Variants in ASB1 observed in about 807,000 individuals in gnomAD.
The protein encoded by ASB1 is ankyrin repeat and SOCS box protein 1.
A neutral mutation model predicts 27.7 loss-of-function variants in ASB1; 18 were observed. That is an observed-to-expected ratio of 0.65 (90% CI 0.45 to 0.96). The LOEUF (loss-of-function observed/expected upper bound fraction) is 0.96. Ranked by LOEUF, ASB1 falls within the 50% of genes least tolerant of loss-of-function variation. The pLI, the probability that ASB1 is intolerant of heterozygous loss-of-function variation, is 0.00. For missense variants in ASB1, 397 were observed against 451.7 expected, an observed-to-expected ratio of 0.88 and a Z score of 1.10; for synonymous variants, 189 against 187.6, an observed-to-expected ratio of 1.01 and a Z score of -0.06.
At chr2:238,446,322 T>C in intron 4 of ASB1, 62 bp from the exon 5 acceptor site, 1 of 1,516,678 alleles carries the variant, frequency 6.6e-7, no homozygotes, top group Middle Eastern at 1.9e-4. Context: ...CTGCCTTTTC[T>C]CTCTATAACT....
At position 238,444,341 on chromosome 2, in the gene ASB1, G is replaced by T; in HGVS notation, c.495-1G>T. 1 of 1,599,766 alleles carries T rather than the reference G, an allele frequency of 6.3e-7. No homozygotes were observed. Among genetic ancestry groups the T allele is most frequent in the Non-Finnish European group, 8.6e-7 (1 of 1,169,194 alleles). On this transcript the variant is annotated splice_acceptor_variant, in intron 3 of 4. Transcript: ENST00000264607. LOFTEE classifies it high-confidence loss of function. ...TCTGACTTTCCCTTTCTTCCCTGCA[G>T]GTACGGGGCTGATGTTGACGTCAAC...
At chr2:238,441,149 T>TG (rs1442077078) in intron 3 of ASB1, among the ~76,000 whole-genome samples, 1 of 151,936 alleles carries the variant, frequency 6.6e-6, no homozygotes, top group African/African-American at 2.4e-5. Context: ...TTTTTTTTTT[T>TG]TTTTTGAGAT....
At chr2:238,428,354 G>A (rs1016744018) in intron 1 of ASB1, among the ~76,000 whole-genome samples, 1 of 152,298 alleles carries the variant, frequency 6.6e-6, no homozygotes, top group Admixed American at 6.5e-5. Context: ...GCAGTGGCGT[G>A]ATCTCGGCCC....
chr2:238,438,307 C>T (rs1384014884), intron 3 of ASB1, among the ~76,000 whole-genome samples: 1 of 146,620 alleles, frequency 6.8e-6, no homozygotes, highest in African/African-American at 2.5e-5. Context: ...TCACACCATT[C>T]TCCTGCCTCA....
chr2:238,430,404 C>T (rs571291607), intron 1 of ASB1, among the ~76,000 whole-genome samples: 113 of 152,334 alleles, frequency 7.4e-4, no homozygotes, highest in African/African-American at 2.5e-3. Context: ...TTTGATCATG[C>T]GATTGCAGCA....
Position 238,448,015 on chromosome 2 carries a change from A to G in ASB1, c.*1504A>G, listed in dbSNP as rs577279111. 1,080 of 152,446 alleles carry G rather than the reference A, an allele frequency of 7.1e-3. 7 individuals carry two copies. The highest frequency in any genetic ancestry group is 0.015 in the South Asian group (73 of 4,826). 9.4% of individuals were successfully genotyped at this position (152,446 alleles called of 1,614,324 possible). ...ACAGTCCTCGGGTGATTCAGAGGGG[A>G]AAATGCAATCCGGGAGGTGTTTCCT... On this transcript the variant is annotated 3_prime_UTR_variant, in exon 5 of 5. Coordinates refer to ENST00000264607, the MANE Select transcript of ASB1 (RefSeq NM_001040445.3).
At chr2:238,439,767 C>T (rs549431494) in intron 3 of ASB1, among the ~76,000 whole-genome samples, 11 of 152,194 alleles carry the variant, frequency 7.2e-5, no homozygotes, top group African/African-American at 2.7e-4. Flanking sequence ...TGCGTGTGAT[C>T]GCAGTGTGTC....
chr2:238,445,482 A>T (rs1449606762), intron 4 of ASB1, among the ~76,000 whole-genome samples: 24 of 152,170 alleles, frequency 1.6e-4, no homozygotes, highest in Admixed American at 1.6e-3. Context: ...TTGTAACAAT[A>T]AAGTTCCTGG....
chr2:238,435,636 A>G lies in ASB1; in HGVS notation c.192-75A>G, dbSNP rs146086850. 12,872 of 1,460,130 alleles carry G rather than the reference A, an allele frequency of 8.8e-3. 84 individuals are homozygous for G. The highest frequency in any genetic ancestry group is 0.011 in the Non-Finnish European group (11,986 of 1,080,862). 90.4% of individuals were successfully genotyped at this position (1,460,130 alleles called of 1,614,324 possible). A position where few individuals can be genotyped will look rare whatever the true frequency, so the allele number is the denominator to read the frequency against. On this transcript the variant is annotated intron_variant, in intron 2 of 4. Transcript: ENST00000264607. Reference sequence around the variant, plus strand: ...AGAGGGGGACCGTGTCCATGCTGCCAGGGTGAGGGGGGCAGTGCAGCCCGT... The same window carrying G: ...AGAGGGGGACCGTGTCCATGCTGCCGGGGTGAGGGGGGCAGTGCAGCCCGT...
At chr2:238,437,899 CT>C (rs1013259081) in intron 3 of ASB1, among the ~76,000 whole-genome samples, 2 of 152,110 alleles carry the variant, frequency 1.3e-5, no homozygotes, top group African/African-American at 4.8e-5. Flanking sequence ...ACACAATTGG[CT>C]TTTGGGAGGC....
At position 238,427,077 on chromosome 2, in the gene ASB1, G is replaced by C; in HGVS notation, c.7G>C (p.Glu3Gln). 7.9e-7 allele frequency: 1 copy of C among 1,263,964 alleles called. No individual in the cohort carries two copies. The highest frequency in any genetic ancestry group is 2.9e-5 in the South Asian group (1 of 34,738). The allele number at this position is 1,263,964 out of a possible 1,614,324, so 78.3% of individuals were successfully genotyped here. ...CGCGGAGGCGGAAGCATCCATGGCG[G>C]AGGGCGGCAGCCCAGACGGGCGGGC... is the stretch of plus-strand genomic sequence containing the variant. MA[E>Q]GGSPDGRAGP... is the part of the protein sequence containing the mutation. The change falls in exon 1 of 5, where the codon GAG becomes CAG. Residue 3 changes from glutamate to glutamine, a missense_variant. Coordinates refer to ENST00000264607, the MANE Select transcript of ASB1 (RefSeq NM_001040445.3).
At chr2:238,427,197 C>T (rs1701774052) in intron 1 of ASB1, 78 bp downstream of exon 1, 1 of 1,085,282 alleles carries the variant, frequency 9.2e-7, no homozygotes, top group Non-Finnish European at 1.2e-6. Context: ...TGCCGAGGTC[C>T]TGCGTCCTCG....
At chr2:238,432,229 C>T (rs1394050750) in intron 1 of ASB1, among the ~76,000 whole-genome samples, 1 of 152,080 alleles carries the variant, frequency 6.6e-6, no homozygotes, top group Non-Finnish European at 1.5e-5. Flanking sequence ...AGTTCTTCTC[C>T]CTTATATTTT....
rs201436554 is a variant in ASB1, at chr2:238,446,374, C to T, written c.881-10C>T. On this transcript the variant is annotated splice_polypyrimidine_tract_variant and intron_variant, in intron 4 of 4. Transcript: ENST00000264607. ...TCCTCTATCCCTCTCTTTCTTCCCA[C>T]GGCCTTCAGGTGTTCCCAGAACCTT... The T allele has an allele frequency of 7.7e-5, 122 of 1,582,058 alleles. No homozygotes were observed. The African/African-American group carries it at 1.1e-3, about 15-fold the overall frequency.
Position 238,435,939 on chromosome 2 carries a change from C to G in ASB1, c.420C>G (p.Ser140Arg). Residue 140 changes from serine to arginine, a missense_variant, in exon 3 of 5, where the codon AGC (serine) becomes AGG (arginine). Coordinates refer to ENST00000264607, the MANE Select transcript of ASB1 (RefSeq NM_001040445.3). ...AAGCTGGCGCGGACCCCAACGGAAGCCGGCACCATCGCAGCACCCCTGTCT... is the reference window on the plus strand; with the variant it reads ...AAGCTGGCGCGGACCCCAACGGAAGGCGGCACCATCGCAGCACCCCTGTCT... ...LLEAGADPNG[S>R]RHHRSTPVYH... 1.9e-6 allele frequency: 3 copies of G among 1,614,178 alleles called. No homozygotes were observed. The highest frequency in any genetic ancestry group is 1.7e-6 in the Non-Finnish European group (2 of 1,180,040).
At chr2:238,444,884 C>T (rs934625207) in intron 4 of ASB1, among the ~76,000 whole-genome samples, 157 bp downstream of exon 4, 5 of 152,004 alleles carry the variant, frequency 3.3e-5, no homozygotes, top group African/African-American at 1.2e-4. Context: ...GATTGATCTT[C>T]TCTTTTTAAA....
At chr2:238,436,573 A>T (rs1181853115) in intron 3 of ASB1, among the ~76,000 whole-genome samples, 1 of 152,108 alleles carries the variant, frequency 6.6e-6, no homozygotes, top group Non-Finnish European at 1.5e-5. Flanking sequence ...ATCATAGCTC[A>T]CTGCAGCCTC....
At position 238,444,385 on chromosome 2, in the gene ASB1, G is replaced by T. The variant is rs148254481; in HGVS notation, c.538G>T (p.Val180Phe). 4.7e-4 allele frequency: 751 copies of T among 1,613,194 alleles called. 8 individuals are homozygous for T. The East Asian group carries it at 0.016, about 34-fold the overall frequency. The change falls in exon 4 of 5, where the codon GTC (valine) becomes TTC (phenylalanine). Residue 180 changes from valine to phenylalanine, a missense_variant. Val to Phe is a conservative substitution (Grantham distance 50, BLOSUM62 -1). Coordinates refer to ENST00000264607, the MANE Select transcript of ASB1 (RefSeq NM_001040445.3). Reference protein sequence around the residue: ...VDVNHHLTPDVQPRFSRRLTS... With the variant: ...VDVNHHLTPDFQPRFSRRLTS... ...CGTCAACCACCACCTGACTCCTGAT[G>T]TCCAGCCTCGATTCTCCCGGCGGCT... is the stretch of plus-strand genomic sequence containing the variant.
intron 1 of ASB1, among the ~76,000 whole-genome samples, chr2:238,428,417 AG>A (rs1473472757): frequency 2.0e-5 from 3 of 152,008 alleles, no homozygotes; most frequent in Admixed American, 1.3e-4. Context: ...CAGCCTCCCT[AG>A]TAGCTGGGAT....
Sources: gnomAD v4.1 joint callset for allele counts (sites outside exome capture counted in the v4.1 genomes callset) on GRCh38, gnomAD v4.1.1 for gene constraint, MANE v1.5 for transcripts, NCBI Gene and HGNC (gene_info 2026-07-23, HGNC 2026-07-21) for gene names.